Variants in STIM2 observed in about 807,000 individuals in gnomAD.
STIM2 encodes stromal interaction molecule 2.
Under a neutral mutation model 85.8 loss-of-function variants are expected in STIM2, and 31 were observed. The ratio of observed to expected loss-of-function variants is 0.36; its 90% confidence interval spans 0.27 to 0.49. The LOEUF (loss-of-function observed/expected upper bound fraction) is 0.49. Ranked by LOEUF, STIM2 falls within the 20% of genes least tolerant of loss-of-function variation. The pLI is 0.98. For synonymous variants in STIM2, 356 were observed against 331.1 expected, an observed-to-expected ratio of 1.08 and a Z score of -0.82; for missense variants, 841 against 927.6, an observed-to-expected ratio of 0.91 and a Z score of 1.21.
intron 1 of STIM2, among the ~76,000 whole-genome samples, chr4:26,897,583 C>T (rs1166633388): frequency 6.6e-6 from 1 of 151,980 alleles, no homozygotes; most frequent in African/African-American, 2.4e-5. Flanking sequence ...TTGAGTATTT[C>T]AAAGAAAATC....
At chr4:27,001,211 T>C (rs1160535794) in intron 5 of STIM2, among the ~76,000 whole-genome samples, 1 of 152,252 alleles carries the variant, frequency 6.6e-6, no homozygotes, top group Non-Finnish European at 1.5e-5. Context: ...AGTTTTTCAC[T>C]GTGAGCTGTA....
intron 1 of STIM2, among the ~76,000 whole-genome samples, chr4:26,898,551 G>A (rs934232391): frequency 6.6e-6 from 1 of 152,034 alleles, no homozygotes; most frequent in Non-Finnish European, 1.5e-5. Context: ...TATTGGTGTT[G>A]CAAAATAGTG....
intron 1 of STIM2, among the ~76,000 whole-genome samples, chr4:26,899,416 A>G (rs1010832425): frequency 5.3e-5 from 8 of 152,124 alleles, no homozygotes; most frequent in Non-Finnish European, 8.8e-5. Context: ...TGGTTTTGGT[A>G]TAAGTGTTTC....
chr4:26,874,193 C>T, intron 1 of STIM2: 1 of 486,918 alleles, frequency 2.1e-6, no homozygotes, highest in Admixed American at 2.5e-5. Flanking sequence ...GGGGCAGCCT[C>T]CTTTGGAACT....
At chr4:26,970,190 A>AGT (rs200450215) in intron 3 of STIM2, among the ~76,000 whole-genome samples, 15 of 87,526 alleles carry the variant, frequency 1.7e-4, no homozygotes, top group African/African-American at 5.3e-4. Flanking sequence ...TTTCGGTTTT[A>AGT]GTGTGTGTGT....
chr4:26,972,082 A>G (rs972856895), intron 3 of STIM2, among the ~76,000 whole-genome samples: 2 of 152,186 alleles, frequency 1.3e-5, no homozygotes, highest in South Asian at 4.1e-4. Context: ...ATTTTTGCAC[A>G]TTGATTTTGT....
At chr4:26,972,271 C>A (rs539650200) in intron 3 of STIM2, among the ~76,000 whole-genome samples, 1 of 152,290 alleles carries the variant, frequency 6.6e-6, no homozygotes, top group East Asian at 1.9e-4. Flanking sequence ...CAACTCCCAA[C>A]ACTATGTTGA....
At chr4:26,957,542 C>T in intron 2 of STIM2, 70 bp from the exon 3 acceptor site, 1 of 923,358 alleles carries the variant, frequency 1.1e-6, no homozygotes, top group Admixed American at 3.1e-5. Context: ...TATCAGATTT[C>T]ATCTTTTTCT....
chr4:26,929,480 C>A (rs1334221407), intron 2 of STIM2, among the ~76,000 whole-genome samples: 1 of 151,840 alleles, frequency 6.6e-6, no homozygotes, highest in East Asian at 1.9e-4. Context: ...AAACCTTAGC[C>A]CAAATTTTAA....
chr4:26,943,502 G>A (rs569612159), intron 2 of STIM2, among the ~76,000 whole-genome samples: 3 of 152,236 alleles, frequency 2.0e-5, no homozygotes, highest in South Asian at 2.1e-4. Flanking sequence ...GCACAACCTC[G>A]CCTTTGATAG....
chr4:26,914,187 T>A (rs1724447707), intron 1 of STIM2, among the ~76,000 whole-genome samples: 1 of 152,244 alleles, frequency 6.6e-6, no homozygotes, highest in South Asian at 2.1e-4. Context: ...CCTTCGCTTA[T>A]ACTTTTTCTG....
intron 1 of STIM2, among the ~76,000 whole-genome samples, chr4:26,871,366 A>T (rs927364884): frequency 5.3e-5 from 8 of 152,234 alleles, no homozygotes; most frequent in Admixed American, 3.9e-4. Flanking sequence ...AGTAGCAGAT[A>T]CAAACATTGT....
intron 3 of STIM2, among the ~76,000 whole-genome samples, chr4:26,960,759 A>G (rs1000158773): frequency 6.6e-6 from 1 of 152,204 alleles, no homozygotes; most frequent in Non-Finnish European, 1.5e-5. Flanking sequence ...TGGCATTAAC[A>G]GTATTAATAA....
rs1319283094 is a variant in STIM2 at position 26,993,530 on chromosome 4, T to C, written c.398-1849T>C. On this transcript the variant is annotated intron_variant, in intron 3 of 11. Coordinates refer to ENST00000467087, the MANE Select transcript of STIM2 (RefSeq NM_020860.4). ...GTATGAATTCATATTTTTATGTAGC[T>C]TATCAGAAAGATTTTTTTCAGATTT... Among the ~76,000 whole-genome samples the C allele has an allele frequency of 5.8e-5, 3 of 51,626 alleles. No individual in the cohort carries two copies. The Admixed American group carries it at 7.5e-4, about 13-fold the overall frequency. 33.9% of individuals were successfully genotyped at this position (51,626 alleles called of 152,430 possible).
At chr4:27,021,044 G>A in intron 11 of STIM2, 1 of 1,535,836 alleles carries the variant, frequency 6.5e-7, no homozygotes, top group Non-Finnish European at 8.7e-7. Context: ...ATGAGACTAA[G>A]TAGTAAAGCT....
intron 1 of STIM2, among the ~76,000 whole-genome samples, chr4:26,872,883 AG>A (rs1354593766): frequency 6.6e-6 from 1 of 152,250 alleles, no homozygotes; most frequent in Non-Finnish European, 1.5e-5. Flanking sequence ...GGCATCTTGA[AG>A]GACAATAAAG....
At chr4:26,867,366 C>T (rs924979365) in intron 1 of STIM2, among the ~76,000 whole-genome samples, 3 of 152,014 alleles carry the variant, frequency 2.0e-5, no homozygotes, top group Non-Finnish European at 4.4e-5. Flanking sequence ...TATAATCGGG[C>T]TTATGTGATG....
At chr4:26,955,560 G>GTC (rs1367692087) in intron 2 of STIM2, among the ~76,000 whole-genome samples, 1 of 148,178 alleles carries the variant, frequency 6.7e-6, no homozygotes, top group African/African-American at 2.6e-5. Flanking sequence ...GAAGGTGTCA[G>GTC]TCAAGAAGAG....
intron 2 of STIM2, among the ~76,000 whole-genome samples, chr4:26,955,063 T>C: frequency 6.8e-6 from 1 of 146,896 alleles, no homozygotes; most frequent in African/African-American, 2.6e-5. Flanking sequence ...TAAAATTTCT[T>C]AGAAATTTTA....
Sources: gnomAD v4.1 joint callset for allele counts (sites outside exome capture counted in the v4.1 genomes callset) on GRCh38, gnomAD v4.1.1 for gene constraint, MANE v1.5 for transcripts, NCBI Gene and HGNC (gene_info 2026-07-23, HGNC 2026-07-21) for gene names.